Variants in ELAPOR1 observed in about 807,000 individuals in gnomAD.
The protein encoded by ELAPOR1 is endosome-lysosome associated apoptosis and autophagy regulator 1, also known as endosome/lysosome-associated apoptosis and autophagy regulator 1.
In ELAPOR1, 77 loss-of-function variants were observed where a neutral mutation model predicts 119.7. The observed-to-expected ratio is 0.64, with a 90% CI of 0.54 to 0.78. The LOEUF (loss-of-function observed/expected upper bound fraction) is 0.78, where lower values mean the gene tolerates loss of function less well. Ranked by LOEUF, ELAPOR1 falls within the 30% of genes least tolerant of loss-of-function variation. The pLI, the probability that ELAPOR1 is intolerant of heterozygous loss-of-function variation, is 0.00. For missense variants in ELAPOR1, 1,115 were observed against 1,270.4 expected (o/e 0.88, Z 1.86); for synonymous variants, 481 against 487.2 (o/e 0.99, Z 0.17).
At chr1:109,201,034 C>T in intron 21 of ELAPOR1, 134 bp downstream of exon 21, 1 of 854,950 alleles carries the variant, frequency 1.2e-6, no homozygotes. Flanking sequence ...TCCATTTCCC[C>T]ACTCTGAAAA....
At chr1:109,192,565 C>T in intron 13 of ELAPOR1, 46 bp from the exon 14 acceptor site, 1 of 1,594,612 alleles carries the variant, frequency 6.3e-7, no homozygotes. Flanking sequence ...ATTGTTGCTG[C>T]TGTCTCAGGC....
intron 1 of ELAPOR1, among the ~76,000 whole-genome samples, chr1:109,144,629 C>T (rs1325113393): frequency 1.3e-5 from 2 of 152,034 alleles, no homozygotes; most frequent in Non-Finnish European, 2.9e-5. Flanking sequence ...GTAATCCCAG[C>T]TACTCGGGAG....
chr1:109,167,214 TTC>T (rs1365768207), intron 3 of ELAPOR1, among the ~76,000 whole-genome samples: 1 of 152,154 alleles, frequency 6.6e-6, no homozygotes, highest in Admixed American at 6.5e-5. Flanking sequence ...GAAGGATTTC[TTC>T]TCTCTCTGGG....
intron 1 of ELAPOR1, among the ~76,000 whole-genome samples, chr1:109,144,623 T>C (rs1216199858): frequency 6.6e-6 from 1 of 151,978 alleles, no homozygotes; most frequent in Non-Finnish European, 1.5e-5. Context: ...ATGCCAGTAA[T>C]CCCAGCTACT....
intron 1 of ELAPOR1, among the ~76,000 whole-genome samples, chr1:109,114,733 G>A (rs1043093708): frequency 6.6e-6 from 1 of 152,178 alleles, no homozygotes; most frequent in African/African-American, 2.4e-5. Context: ...AGTAGTGGGA[G>A]AGGAAAGGAG....
At chr1:109,148,287 C>A (rs1650313986) in intron 1 of ELAPOR1, among the ~76,000 whole-genome samples, 1 of 31,126 alleles carries the variant, frequency 3.2e-5, no homozygotes, top group African/African-American at 5.7e-5. Context: ...TACAGGCACC[C>A]ACCACCACGC....
intron 8 of ELAPOR1, among the ~76,000 whole-genome samples, chr1:109,185,711 C>A (rs1435335339): frequency 2.0e-5 from 3 of 152,160 alleles, no homozygotes; most frequent in Non-Finnish European, 4.4e-5. Flanking sequence ...CAAGCTCCTG[C>A]CCCCAGGGAG....
At chr1:109,185,460 C>T (rs566236752) in intron 8 of ELAPOR1, among the ~76,000 whole-genome samples, 1 of 152,298 alleles carries the variant, frequency 6.6e-6, no homozygotes, top group South Asian at 2.1e-4. Flanking sequence ...TACACAATGT[C>T]CTCCCGGGGC....
intron 20 of ELAPOR1, 55 bp downstream of exon 20, chr1:109,200,292 G>A: frequency 1.9e-6 from 3 of 1,574,052 alleles, no homozygotes; most frequent in Non-Finnish European, 2.6e-6. Flanking sequence ...TATTGATCAG[G>A]GAGAATATCT....
intron 1 of ELAPOR1, among the ~76,000 whole-genome samples, chr1:109,119,411 T>A (rs1260193617): frequency 2.0e-5 from 3 of 151,710 alleles, no homozygotes; most frequent in Admixed American, 6.6e-5. Context: ...CTCAAACTCG[T>A]GAGCTCTAGT....
At chr1:109,129,907 G>A (rs1016347573) in intron 1 of ELAPOR1, among the ~76,000 whole-genome samples, 3 of 152,168 alleles carry the variant, frequency 2.0e-5, no homozygotes, top group African/African-American at 7.2e-5. Flanking sequence ...TTATTTCCTT[G>A]TGTTCTGCAA....
chr1:109,158,956 G>A (rs182902003), intron 1 of ELAPOR1, among the ~76,000 whole-genome samples: 1 of 149,148 alleles, frequency 6.7e-6, no homozygotes, highest in South Asian at 2.1e-4. Context: ...AAAGTGGCGT[G>A]ATCTTGGCTC....
chr1:109,159,872 G>T (rs779736156), intron 1 of ELAPOR1, among the ~76,000 whole-genome samples: 4 of 152,168 alleles, frequency 2.6e-5, no homozygotes, highest in Non-Finnish European at 4.4e-5. Context: ...TTTCTGCCTT[G>T]CTCACTCAAT....
At chr1:109,134,891 T>A (rs1170896822) in intron 1 of ELAPOR1, among the ~76,000 whole-genome samples, 1 of 152,140 alleles carries the variant, frequency 6.6e-6, no homozygotes, top group Non-Finnish European at 1.5e-5. Context: ...AGAATGGATT[T>A]AAGTAATTGC....
chr1:109,144,235 A>G (rs1050340491), intron 1 of ELAPOR1, among the ~76,000 whole-genome samples: 3 of 150,190 alleles, frequency 2.0e-5, no homozygotes, highest in African/African-American at 7.3e-5. Flanking sequence ...AATTTTTTGT[A>G]GAGACGGGGC....
intron 1 of ELAPOR1, among the ~76,000 whole-genome samples, chr1:109,116,297 A>G (rs765864623): frequency 1.3e-5 from 2 of 152,158 alleles, no homozygotes; most frequent in Admixed American, 6.5e-5. Context: ...TGGTTTTTGG[A>G]TTTGTAGAAT....
intron 8 of ELAPOR1, 97 bp downstream of exon 8, chr1:109,185,230 T>A: frequency 1.1e-6 from 1 of 945,456 alleles, no homozygotes. Context: ...TCAATGACAT[T>A]GGCACTAGTT....
At chr1:109,184,983 G>T in intron 7 of ELAPOR1, 62 bp from the exon 8 acceptor site, 1 of 1,293,802 alleles carries the variant, frequency 7.7e-7, no homozygotes, top group Non-Finnish European at 1.1e-6. Flanking sequence ...GGGCCATGAA[G>T]AGGCCAGGAG....
chr1:109,171,631 C>A, intron 3 of ELAPOR1, among the ~76,000 whole-genome samples: 1 of 152,168 alleles, frequency 6.6e-6, no homozygotes, highest in East Asian at 1.9e-4. Flanking sequence ...TGGAGGCATG[C>A]CTGCTTGTTT....
Sources: gnomAD v4.1 joint callset for allele counts (sites outside exome capture counted in the v4.1 genomes callset) on GRCh38, gnomAD v4.1.1 for gene constraint, MANE v1.5 for transcripts, NCBI Gene and HGNC (gene_info 2026-07-23, HGNC 2026-07-21) for gene names.